Variants in TEX11 observed in about 807,000 individuals in gnomAD.
The protein encoded by TEX11 is testis-expressed protein 11.
Under a neutral mutation model 84.4 loss-of-function variants are expected in TEX11, and 7 were observed. The ratio of observed to expected loss-of-function variants is 0.08; its 90% CI spans 0.05 to 0.16. The LOEUF is 0.16. TEX11 is among the 10% of genes least tolerant of loss of function. The pLI, the probability that TEX11 is intolerant of heterozygous loss-of-function variation, is 1.00. For synonymous variants in TEX11, 264 were observed against 222.8 expected (o/e 1.18, Z -1.64); for missense variants, 551 against 660.5 (o/e 0.83, Z 1.82).
At chrX:70,520,928 T>C in the TEX11 span, among the ~76,000 whole-genome samples, 1 of 112,311 alleles carries the variant, frequency 8.9e-6, no homozygotes, top group Non-Finnish European at 1.9e-5. Flanking sequence ...TCCGCGGGCA[T>C]GGGACCTGCC....
At chrX:70,573,643 G>T (rs899026327) in intron 25 of TEX11, among the ~76,000 whole-genome samples, 1 of 111,320 alleles carries the variant, frequency 9.0e-6, no homozygotes. Context: ...AAGGAACCAA[G>T]CAAAGACTGC....
At chrX:70,888,665 T>C (rs2091722539) in intron 2 of TEX11, among the ~76,000 whole-genome samples, 1 of 111,706 alleles carries the variant, frequency 9.0e-6, no homozygotes, top group African/African-American at 3.3e-5. Context: ...GAAAGTTTAT[T>C]CAAAGGGATA....
At chrX:70,625,179 C>T (rs898393047) in intron 18 of TEX11, among the ~76,000 whole-genome samples, 2 of 111,317 alleles carry the variant, frequency 1.8e-5, no homozygotes, top group Non-Finnish European at 3.8e-5. Flanking sequence ...CCTTAGTCCA[C>T]TAGGACTAAT....
chrX:70,849,606 CACCGCTATTA>C (rs2091496539), intron 7 of TEX11, among the ~76,000 whole-genome samples: 2 of 111,751 alleles, frequency 1.8e-5, no homozygotes, highest in Non-Finnish European at 3.8e-5. Flanking sequence ...CATTATCAAA[CACCGCTATTA>C]ACCGCCATTT....
At chrX:70,593,047 G>C (rs2088954543) in intron 24 of TEX11, among the ~76,000 whole-genome samples, 1 of 98,537 alleles carries the variant, frequency 1.0e-5, no homozygotes. Context: ...TTATGCACAA[G>C]AGCATTTTAA....
intron 8 of TEX11, among the ~76,000 whole-genome samples, chrX:70,817,252 T>TACACACAC (rs764022161): frequency 4.2e-5 from 4 of 95,171 alleles, no homozygotes; most frequent in East Asian, 3.4e-4. Context: ...CACATATATA[T>TACACACAC]ATACACACAC....
At chrX:70,885,600 T>C (rs2091703750) in intron 2 of TEX11, among the ~76,000 whole-genome samples, 1 of 110,576 alleles carries the variant, frequency 9.0e-6, no homozygotes, top group Non-Finnish European at 1.9e-5. Flanking sequence ...TATCAAAAAA[T>C]AGAAAATAAG....
intron 15 of TEX11, among the ~76,000 whole-genome samples, chrX:70,672,684 A>G (rs1479382992): frequency 2.7e-5 from 3 of 111,106 alleles, no homozygotes; most frequent in Non-Finnish European, 5.7e-5. Context: ...TAATTTTTGA[A>G]TTGTTTTTCT....
At chrX:70,654,530 G>A (rs2089841960) in intron 16 of TEX11, among the ~76,000 whole-genome samples, 1 of 109,513 alleles carries the variant, frequency 9.1e-6, no homozygotes, top group East Asian at 2.9e-4. Context: ...GGCCAGCATG[G>A]TGAAACCCCA....
rs1348582177 is a variant in TEX11 at position 70,606,954 on chromosome X, C to T, written c.1950+5G>A. The T allele has an allele frequency of 3.4e-6, 4 of 1,171,996 alleles. No homozygotes were observed. The highest frequency in any genetic ancestry group is 2.3e-5 in the Admixed American group (1 of 43,148). On this transcript the variant is annotated splice_donor_5th_base_variant and intron_variant, in intron 23 of 29. Coordinates refer to ENST00000374333, the MANE Select transcript of TEX11 (RefSeq NM_031276.3). ...TACATGAGATACTTATTAAAAGAAA[C>T]TTACCTTATAAGAAAGTATAAAAAA... is the stretch of plus-strand genomic sequence containing the variant.
intron 11 of TEX11, among the ~76,000 whole-genome samples, chrX:70,733,892 T>A (rs1483581075): frequency 1.8e-5 from 2 of 111,296 alleles, no homozygotes; most frequent in Non-Finnish European, 3.8e-5. Context: ...TAGCAAAGAC[T>A]TGGAACCAAC....
At chrX:70,562,731 A>C (rs2088393086) in intron 25 of TEX11, among the ~76,000 whole-genome samples, 2 of 112,037 alleles carry the variant, frequency 1.8e-5, no homozygotes. Context: ...ATTGGTTGTG[A>C]AAAATGCATA....
intron 2 of TEX11, among the ~76,000 whole-genome samples, chrX:70,899,080 C>T (rs941369070): frequency 1.8e-5 from 2 of 111,810 alleles, no homozygotes; most frequent in Non-Finnish European, 3.8e-5. Context: ...TCTGAGGATC[C>T]CATTGTTGTA....
chrX:70,542,483 T>C (rs1353976634), intron 28 of TEX11, among the ~76,000 whole-genome samples: 1 of 112,274 alleles, frequency 8.9e-6, no homozygotes, highest in Non-Finnish European at 1.9e-5. Flanking sequence ...CTCTCACTCA[T>C]TAGTCATGAA....
chrX:70,623,527 G>A (rs2089418050), intron 20 of TEX11, among the ~76,000 whole-genome samples: 1 of 111,934 alleles, frequency 8.9e-6, no homozygotes, highest in South Asian at 3.7e-4. Flanking sequence ...GTTAAGAAAG[G>A]GGGAACAGAT....
intron 17 of TEX11, among the ~76,000 whole-genome samples, chrX:70,643,680 C>A (rs1483866579): frequency 5.4e-4 from 57 of 105,274 alleles, no homozygotes; most frequent in Non-Finnish European, 8.2e-4. Context: ...AAAGGATTCC[C>A]TATTTAATAA....
intron 25 of TEX11, among the ~76,000 whole-genome samples, chrX:70,586,899 A>T (rs2088859915): frequency 8.9e-6 from 1 of 111,852 alleles, no homozygotes; most frequent in African/African-American, 3.2e-5. Context: ...CTTCCTAGAG[A>T]CTTGTTGAAT....
the TEX11 span, among the ~76,000 whole-genome samples, chrX:70,515,747 A>G: frequency 2.7e-5 from 3 of 112,377 alleles, no homozygotes; most frequent in South Asian, 1.1e-3. Context: ...GCAGTGTAAA[A>G]GTGTTCCTAT....
chrX:70,654,193 T>C (rs998541669), intron 16 of TEX11, among the ~76,000 whole-genome samples: 1 of 111,537 alleles, frequency 9.0e-6, no homozygotes, highest in Non-Finnish European at 1.9e-5. Context: ...AAATAACATA[T>C]CAATATTGGC....
Sources: gnomAD v4.1 joint callset for allele counts (sites outside exome capture counted in the v4.1 genomes callset) on GRCh38, gnomAD v4.1.1 for gene constraint, MANE v1.5 for transcripts, NCBI Gene and HGNC (gene_info 2026-07-23, HGNC 2026-07-21) for gene names.